The following SPATA13 variants were observed in gnomAD, a reference collection of about 807,000 sequenced individuals.
SPATA13 encodes the protein spermatogenesis-associated protein 13.
Under a neutral mutation model 104.0 loss-of-function variants are expected in SPATA13, and 50 were observed. The ratio of observed to expected loss-of-function variants is 0.48; its 90% confidence interval spans 0.38 to 0.61. The LOEUF (loss-of-function observed/expected upper bound fraction) is 0.61, where lower values mean the gene tolerates loss of function less well. Among genes scored for constraint, SPATA13 ranks in the 20% least tolerant of loss-of-function variants. SPATA13 has a pLI of 0.00. For missense variants in SPATA13, 1,524 were observed against 1,690.6 expected (o/e 0.90, Z 1.73); for synonymous variants, 606 against 667.5 (o/e 0.91, Z 1.42).
At chr13:24,245,584 CTTTTTTTT>C (rs61316306) in intron 2 of SPATA13, among the ~76,000 whole-genome samples, 7 of 88,630 alleles carry the variant, frequency 7.9e-5, no homozygotes, top group Non-Finnish European at 9.9e-5. Flanking sequence ...ACAGTTGTTT[CTTTTTTTT>C]TTTTTTTTTT....
chr13:24,152,214 C>T (rs1360726558), intron 3 of SPATA13, among the ~76,000 whole-genome samples: 2 of 152,262 alleles, frequency 1.3e-5, no homozygotes, highest in Admixed American at 1.3e-4. Flanking sequence ...GACCCTTTTG[C>T]ATGGATAATG....
At chr13:24,037,932 A>C (rs574896870) in intron 3 of SPATA13, among the ~76,000 whole-genome samples, 135 of 151,106 alleles carry the variant, frequency 8.9e-4, no homozygotes, top group Middle Eastern at 3.4e-3. Flanking sequence ...TTTTTTTTGA[A>C]ATGGAGTCTC....
At chr13:24,053,120 C>G (rs899364101) in intron 3 of SPATA13, among the ~76,000 whole-genome samples, 2 of 151,964 alleles carry the variant, frequency 1.3e-5, no homozygotes, top group Middle Eastern at 6.8e-3. Context: ...TGTTTTTCTC[C>G]GTGACATTCT....
At chr13:24,227,588 A>G (rs1872016129) in intron 2 of SPATA13, among the ~76,000 whole-genome samples, 1 of 150,772 alleles carries the variant, frequency 6.6e-6, no homozygotes, top group African/African-American at 2.4e-5. Flanking sequence ...TTTTTTTTTT[A>G]TTGAGACAGT....
At chr13:24,171,244 AG>A (rs1382602244) in intron 1 of SPATA13, among the ~76,000 whole-genome samples, 1 of 152,132 alleles carries the variant, frequency 6.6e-6, no homozygotes, top group Non-Finnish European at 1.5e-5. Flanking sequence ...CTTGGAAAGC[AG>A]TGCCCATCAC....
At chr13:24,292,104 G>A (rs757808552) in intron 9 of SPATA13, among the ~76,000 whole-genome samples, 14 of 152,308 alleles carry the variant, frequency 9.2e-5, no homozygotes, top group Admixed American at 2.6e-4. Flanking sequence ...TTCTTCTCAC[G>A]CCCTTGTTCC....
At chr13:24,238,812 C>G (rs562241398) in intron 2 of SPATA13, among the ~76,000 whole-genome samples, 16 of 152,182 alleles carry the variant, frequency 1.1e-4, no homozygotes, top group Non-Finnish European at 1.6e-4. Flanking sequence ...ATCTGTAATT[C>G]TTTAACTGCC....
intron 3 of SPATA13, chr13:24,123,720 T>C (rs1566112410): frequency 1.3e-6 from 2 of 1,545,890 alleles, no homozygotes; most frequent in East Asian, 4.5e-5. Context: ...AGCATCTGTA[T>C]AGCACATCAG....
chr13:24,214,292 A>T (rs1317747546), intron 1 of SPATA13, among the ~76,000 whole-genome samples: 1 of 152,252 alleles, frequency 6.6e-6, no homozygotes, highest in Non-Finnish European at 1.5e-5. Context: ...AAATCCATTG[A>T]CTTTTCAACA....
chr13:24,240,350 G>A (rs992425523), intron 2 of SPATA13, among the ~76,000 whole-genome samples: 20 of 152,118 alleles, frequency 1.3e-4, no homozygotes, highest in Non-Finnish European at 1.5e-5. Context: ...TGAGATGGCA[G>A]GATGGTCTGG....
At chr13:24,112,265 CTAAA>C (rs1264548340) in intron 3 of SPATA13, among the ~76,000 whole-genome samples, 2 of 152,150 alleles carry the variant, frequency 1.3e-5, no homozygotes, top group Admixed American at 6.5e-5. Context: ...TTGGTTTGAC[CTAAA>C]CATTTTCCAT....
rs956206812 is a variant in SPATA13, at chr13:24,224,232, A to C, written c.1303A>C (p.Ile435Leu). ...SCTCSSLPSP[I>L]VQDVLSKDSC... is the part of the protein sequence containing the mutation. ...CACTTGCAGCTCTTTGCCAAGCCCGATTGTCCAGGATGTGTTGAGCAAAGA... is the reference window on the plus strand; with the variant it reads ...CACTTGCAGCTCTTTGCCAAGCCCGCTTGTCCAGGATGTGTTGAGCAAAGA... Residue 435 changes from isoleucine (I) to leucine (L), a missense_variant, in exon 2 of 13, where the codon ATT becomes CTT. Around this residue, in one of 2 missense-constraint regions of SPATA13, gnomAD observed 1,089 missense variants for 1,135.9 expected, o/e 0.96. Transcript: ENST00000382108. The C allele has an allele frequency of 6.4e-7, 1 of 1,551,548 alleles. No homozygotes were observed. Among genetic ancestry groups the C allele is most frequent in the East Asian group, 2.4e-5 (1 of 40,918 alleles).
Position 24,251,830 on chromosome 13 carries a change from T to G in SPATA13, c.2132T>G (p.Val711Gly). The change falls in exon 4 of 13, where the codon GTG (valine) becomes GGG (glycine). Residue 711 changes from valine (V) to glycine (G), a missense_variant. Val to Gly is a moderately radical substitution (Grantham distance 109). Coordinates refer to ENST00000382108, the MANE Select transcript of SPATA13 (RefSeq NM_001166271.3). ...AGCACCCCCATTGGGTTGGACCGTG[T>G]GGGACGCCGGCGGCAGATGAGAGCA... is the stretch of plus-strand genomic sequence containing the variant. Reference protein sequence around the residue: ...SQSTPIGLDRVGRRRQMRASN... With the variant: ...SQSTPIGLDRGGRRRQMRASN... 2 of 1,614,012 alleles carry G rather than the reference T, an allele frequency of 1.2e-6. No homozygotes were observed. The highest frequency in any genetic ancestry group is 2.2e-5 in the South Asian group (2 of 91,072).
chr13:24,197,904 C>A lies in SPATA13; in HGVS notation c.-111-24915C>A, dbSNP rs1056265268. Among the ~76,000 whole-genome samples, 38 of 152,232 alleles carry A rather than the reference C, an allele frequency of 2.5e-4. 1 individual carries two copies. Among genetic ancestry groups the A allele is most frequent in the African/African-American group, 8.4e-4 (35 of 41,528 alleles). ...GCTGATTTTTCTCCTAGGATGAAGT[C>A]CCCCAAGAAACATGCATTTGCTTCT... On this transcript the variant is annotated intron_variant, in intron 1 of 12. Transcript: ENST00000382108.
chr13:23,981,496 C>T (rs897886349), intron 1 of SPATA13, among the ~76,000 whole-genome samples: 10 of 152,162 alleles, frequency 6.6e-5, no homozygotes, highest in Non-Finnish European at 1.3e-4. Flanking sequence ...TTCACAGTTT[C>T]GGGAGCCGGA....
chr13:24,208,974 G>A (rs1365001912), intron 1 of SPATA13, among the ~76,000 whole-genome samples: 2 of 152,194 alleles, frequency 1.3e-5, no homozygotes, highest in African/African-American at 4.8e-5. Context: ...AGAAAATAGA[G>A]ATTGCTATGT....
At chr13:24,265,160 G>A (rs1234220512) in intron 4 of SPATA13, among the ~76,000 whole-genome samples, 3 of 152,204 alleles carry the variant, frequency 2.0e-5, no homozygotes, top group Admixed American at 1.3e-4. Flanking sequence ...TGTGTATGAT[G>A]GGGCCCGCCC....
chr13:24,098,797 C>T (rs538398427), intron 3 of SPATA13, among the ~76,000 whole-genome samples: 12 of 151,308 alleles, frequency 7.9e-5, no homozygotes, highest in African/African-American at 2.2e-4. Context: ...CATTTTGGTG[C>T]GTGCATGTAG....
intron 2 of SPATA13, among the ~76,000 whole-genome samples, chr13:24,234,719 A>G (rs1872480322): frequency 6.6e-6 from 1 of 152,144 alleles, no homozygotes; most frequent in East Asian, 1.9e-4. Context: ...AGGAATAGAG[A>G]GAGGGGCCCT....
Sources: gnomAD v4.1 joint callset for allele counts (sites outside exome capture counted in the v4.1 genomes callset) on GRCh38, gnomAD v4.1.1 for gene constraint, gnomAD v4.1.1 regional missense constraint, MANE v1.5 for transcripts, NCBI Gene and HGNC (gene_info 2026-07-23, HGNC 2026-07-21) for gene names.